EEF2K: variants seen among roughly 807,000 people sequenced by gnomAD.
The protein encoded by EEF2K is alternative protein EEF2K.
A neutral mutation model predicts 93.8 loss-of-function variants in EEF2K; 70 were observed. That is an observed-to-expected ratio of 0.75 (90% CI 0.62 to 0.91). EEF2K has a LOEUF of 0.91. Among genes scored for constraint, EEF2K ranks in the 40% least tolerant of loss-of-function variants. EEF2K has a pLI of 0.00. For synonymous variants in EEF2K, 376 were observed against 380.8 expected (o/e 0.99, Z 0.15); for missense variants, 935 against 972.9 (o/e 0.96, Z 0.52).
chr16:22,233,197 G>A (rs989775185), intron 2 of EEF2K, among the ~76,000 whole-genome samples: 2 of 152,096 alleles, frequency 1.3e-5, no homozygotes, highest in African/African-American at 4.8e-5. Flanking sequence ...TGTGAAACTC[G>A]CACGTACACA....
chr16:22,210,159 CAG>C (rs1283802857), intron 1 of EEF2K, among the ~76,000 whole-genome samples: 1 of 152,148 alleles, frequency 6.6e-6, no homozygotes, highest in Non-Finnish European at 1.5e-5. Flanking sequence ...CAGAAAATAA[CAG>C]TGCTCCCCAC....
intron 16 of EEF2K, among the ~76,000 whole-genome samples, chr16:22,276,479 A>C (rs950682066): frequency 1.3e-5 from 2 of 152,182 alleles, no homozygotes; most frequent in Non-Finnish European, 2.9e-5. Flanking sequence ...AAGAACATTA[A>C]TTAAGGGCCA....
chr16:22,227,328 A>T (rs768077560), intron 2 of EEF2K, among the ~76,000 whole-genome samples: 1 of 152,082 alleles, frequency 6.6e-6, no homozygotes, highest in African/African-American at 2.4e-5. Context: ...GGTTCAAGTG[A>T]TTCTTGTGCC....
At chr16:22,222,102 T>C (rs2142104242) in intron 1 of EEF2K, among the ~76,000 whole-genome samples, 1 of 152,200 alleles carries the variant, frequency 6.6e-6, no homozygotes, top group Admixed American at 6.6e-5. Flanking sequence ...ATAAAAAGTT[T>C]CCTCCAGCTC....
chr16:22,234,128 G>A (rs773474876), intron 2 of EEF2K, among the ~76,000 whole-genome samples: 1 of 152,188 alleles, frequency 6.6e-6, no homozygotes, highest in Non-Finnish European at 1.5e-5. Flanking sequence ...AAACGTTTGT[G>A]TGTTTAAACT....
At chr16:22,246,515 T>TAAAAA (rs746408835) in intron 3 of EEF2K, among the ~76,000 whole-genome samples, 25 of 70,488 alleles carry the variant, frequency 3.5e-4, no homozygotes, top group African/African-American at 1.5e-3. Context: ...GACTCAGTCT[T>TAAAAA]AAAAAAAAAA....
intron 4 of EEF2K, among the ~76,000 whole-genome samples, chr16:22,250,263 T>C (rs2047335572): frequency 6.6e-6 from 1 of 152,184 alleles, no homozygotes. Context: ...CGCTGCATGG[T>C]ATTTCATTGA....
At chr16:22,279,735 C>G (rs1337091779) in intron 16 of EEF2K, among the ~76,000 whole-genome samples, 2 of 152,242 alleles carry the variant, frequency 1.3e-5, no homozygotes, top group Admixed American at 6.5e-5. Context: ...TGGCTCATGC[C>G]TGTAATCTCA....
intron 2 of EEF2K, among the ~76,000 whole-genome samples, chr16:22,236,459 A>G (rs1441262347): frequency 6.6e-6 from 1 of 151,496 alleles, no homozygotes; most frequent in African/African-American, 2.4e-5. Flanking sequence ...TATTTGTAGT[A>G]GAGGCAGGGT....
At chr16:22,221,174 G>A (rs2047008049) in intron 1 of EEF2K, among the ~76,000 whole-genome samples, 1 of 152,142 alleles carries the variant, frequency 6.6e-6, no homozygotes, top group Non-Finnish European at 1.5e-5. Flanking sequence ...AAAAACAGAG[G>A]ACTTAAGTAG....
chr16:22,236,218 C>A (rs2047166078), intron 2 of EEF2K, among the ~76,000 whole-genome samples: 1 of 152,170 alleles, frequency 6.6e-6, no homozygotes, highest in African/African-American at 2.4e-5. Context: ...CTTTCCATTC[C>A]AGAGCCTCAC....
chr16:22,213,291 G>C (rs1407623800), intron 1 of EEF2K, among the ~76,000 whole-genome samples: 2 of 152,046 alleles, frequency 1.3e-5, no homozygotes, highest in Admixed American at 6.6e-5. Flanking sequence ...AAAAACAAAA[G>C]AAAGAAATTC....
rs141376415 is a variant in EEF2K, at chr16:22,261,581, T to G, written c.1299+1052T>G. Among the ~76,000 whole-genome samples the G allele has an allele frequency of 1.3e-4, 19 of 151,174 alleles. No homozygotes were observed. The East Asian group carries it at 2.9e-3, about 23-fold the overall frequency. ...GGCAGTTTCCTGTAATCCCAGCTAC[T>G]CAGGAGGCTGAGGCACGAGAATTTC... On this transcript the variant is annotated intron_variant, in intron 11 of 17. Transcript: ENST00000263026.
At position 22,266,881 on chromosome 16, in the gene EEF2K, G is replaced by A; in HGVS notation, c.1764+5G>A. ...CTAGCCGATGTCTCTCTGAAGGTGA[G>A]CAGGTGGCGGGGACCCAGCTGCAGG... On this transcript the variant is annotated splice_donor_5th_base_variant and intron_variant, in intron 15 of 17. Coordinates refer to ENST00000263026, the MANE Select transcript of EEF2K (RefSeq NM_013302.5). 1.9e-6 allele frequency: 3 copies of A among 1,596,006 alleles called. No homozygotes were observed. The highest frequency in any genetic ancestry group is 2.6e-6 in the Non-Finnish European group (3 of 1,167,764).
rs1476381485 is a variant in EEF2K, at chr16:22,284,244, G to T, written c.*248G>T. The T allele has an allele frequency of 1.1e-5, 5 of 472,846 alleles. No homozygotes were observed. The highest frequency in any genetic ancestry group is 1.9e-5 in the Non-Finnish European group (5 of 261,168). The allele number at this position is 472,846 out of a possible 1,614,324, so 29.3% of individuals were successfully genotyped here. ...GTGGGGCTTGAAGAAGCAGCCTAATGAACCAACATACCGTTTTGTGTGTGG... is the reference window on the plus strand; with the variant it reads ...GTGGGGCTTGAAGAAGCAGCCTAATTAACCAACATACCGTTTTGTGTGTGG... On this transcript the variant is annotated 3_prime_UTR_variant, in exon 18 of 18. Coordinates refer to ENST00000263026, the MANE Select transcript of EEF2K (RefSeq NM_013302.5).
Position 22,256,918 on chromosome 16 carries a change from AC to A in EEF2K, c.768+24del. 7 of 1,612,286 alleles carry A rather than the reference AC, an allele frequency of 4.3e-6. 1 individual carries two copies. In the South Asian group the frequency reaches 6.6e-5, roughly 15 times the overall value. ...CGCAGGTGAGGCCGAGCTCACCTCCACCCTCTGCCCACCACAGCCCTTGGGG... is the reference window on the plus strand; with the variant it reads ...CGCAGGTGAGGCCGAGCTCACCTCCACCTCTGCCCACCACAGCCCTTGGGG... On this transcript the variant is annotated intron_variant, in intron 7 of 17. Transcript: ENST00000263026.
At chr16:22,206,978 C>G (rs1236258476) in intron 1 of EEF2K, among the ~76,000 whole-genome samples, 1 of 152,162 alleles carries the variant, frequency 6.6e-6, no homozygotes, top group Non-Finnish European at 1.5e-5. Flanking sequence ...GTTTGGGGGC[C>G]TCCCCCCTCG....
At chr16:22,280,658 T>TC (rs1410312667) in intron 17 of EEF2K, among the ~76,000 whole-genome samples, 1 of 150,600 alleles carries the variant, frequency 6.6e-6, no homozygotes, top group Non-Finnish European at 1.5e-5. Context: ...TCCTTTCCTT[T>TC]CTTTCTTTTT....
At chr16:22,218,274 G>C (rs1421458776) in intron 1 of EEF2K, among the ~76,000 whole-genome samples, 3 of 152,242 alleles carry the variant, frequency 2.0e-5, no homozygotes, top group Admixed American at 2.0e-4. Context: ...TCAATCACCT[G>C]TGTCCACTGT....
Sources: gnomAD v4.1 joint callset for allele counts (sites outside exome capture counted in the v4.1 genomes callset) on GRCh38, gnomAD v4.1.1 for gene constraint, MANE v1.5 for transcripts, NCBI Gene and HGNC (gene_info 2026-07-23, HGNC 2026-07-21) for gene names.